Variants in RHOT1 observed in about 807,000 individuals in gnomAD.
RHOT1 encodes the protein mitochondrial Rho GTPase 1.
RHOT1 carries 27 observed loss-of-function variants against 95.3 expected under a neutral mutation model. The observed-to-expected ratio is 0.28, with a 90% CI of 0.21 to 0.39. The LOEUF (loss-of-function observed/expected upper bound fraction) is 0.39. Among genes scored for constraint, RHOT1 ranks in the 10% least tolerant of loss-of-function variants. The probability of loss-of-function intolerance (pLI) is 1.00; values close to 1 mark genes in which losing one functional copy is unlikely to be tolerated. For synonymous variants in RHOT1, 227 were observed against 263.5 expected (o/e 0.86, Z 1.34); for missense variants, 578 against 786.7 (o/e 0.73, Z 3.17).
rs2037140933 is a variant in RHOT1 at position 32,199,321 on chromosome 17, A to G, written c.955-84A>G. On this transcript the variant is annotated intron_variant, in intron 12 of 19. Transcript: ENST00000545287. ...CATTTATTAAGTAGTTTTAAAAAGCATAGCTTTACTAGATTGGGGGGCTTT... is the reference window on the plus strand; with the variant it reads ...CATTTATTAAGTAGTTTTAAAAAGCGTAGCTTTACTAGATTGGGGGGCTTT... The G allele has an allele frequency of 2.3e-6, 3 of 1,324,566 alleles. No homozygotes were observed. In the East Asian group the frequency reaches 7.1e-5, roughly 31 times the overall value. The allele number at this position is 1,324,566 out of a possible 1,614,324, so 82.1% of individuals were successfully genotyped here. A position where few individuals can be genotyped will look rare whatever the true frequency, so the allele number is the denominator to read the frequency against.
chr17:32,148,457 ATTCTC>A (rs2031720920), intron 1 of RHOT1, among the ~76,000 whole-genome samples: 1 of 152,150 alleles, frequency 6.6e-6, no homozygotes, highest in Non-Finnish European at 1.5e-5. Flanking sequence ...ACTGAAACCT[ATTCTC>A]TGCTGTCCTT....
chr17:32,151,279 C>T (rs1319467935), intron 1 of RHOT1: 5 of 676,126 alleles, frequency 7.4e-6, no homozygotes, highest in African/African-American at 1.8e-5. Flanking sequence ...GATGCCTTCT[C>T]CATATTGCTG....
At chr17:32,204,054 A>G (rs1018919497) in intron 16 of RHOT1, 81 bp downstream of exon 16, 40 of 904,400 alleles carry the variant, frequency 4.4e-5, no homozygotes, top group Non-Finnish European at 6.3e-5. Flanking sequence ...ATTGGCTTCA[A>G]TTGAATGACT....
At chr17:32,208,418 A>C (rs1464535732) in intron 18 of RHOT1, 109 bp downstream of exon 18, 1 of 1,108,066 alleles carries the variant, frequency 9.0e-7, no homozygotes, top group Non-Finnish European at 1.3e-6. Context: ...CAGCAACAGA[A>C]AGATACTTTG....
rs145204227 is a variant in RHOT1, at chr17:32,211,173, G to C, written c.1797G>C (p.Gln599His). Residue 599 changes from glutamine to histidine, a missense_variant, in exon 19 of 20, where the codon CAG becomes CAC. Around this residue, in one of 4 missense-constraint regions of RHOT1, gnomAD observed 296 missense variants for 338.5 expected, o/e 0.87. Coordinates refer to ENST00000545287, the MANE Select transcript of RHOT1 (RefSeq NM_001033566.3). ...TCNRCTFCIC[Q>H]NFLNSDLLQS... ...ACAGGTGTACATTTTGCATCTGTCA[G>C]AACTTCCTCAACTCAGACTTGCTGC... 17 of 1,612,650 alleles carry C rather than the reference G, an allele frequency of 1.1e-5. No individual in the cohort carries two copies. Among genetic ancestry groups the C allele is most frequent in the Non-Finnish European group, 1.4e-5 (17 of 1,179,062 alleles).
At chr17:32,161,423 G>A (rs2033543425) in intron 1 of RHOT1, among the ~76,000 whole-genome samples, 1 of 152,196 alleles carries the variant, frequency 6.6e-6, no homozygotes, top group African/African-American at 2.4e-5. Context: ...TATCACAGGA[G>A]TAACTGGGGA....
At chr17:32,168,590 CACAA>C (rs2034310136) in intron 1 of RHOT1, among the ~76,000 whole-genome samples, 1 of 149,832 alleles carries the variant, frequency 6.7e-6, no homozygotes, top group South Asian at 2.1e-4. Flanking sequence ...TATACACACA[CACAA>C]ACACATATAT....
intron 14 of RHOT1, among the ~76,000 whole-genome samples, chr17:32,201,799 A>G (rs9904712): frequency 0.013 from 1,989 of 152,290 alleles, 41 homozygotes; most frequent in African/African-American, 0.046. Context: ...TAACTATCCC[A>G]TAATTATATA....
intron 19 of RHOT1, chr17:32,222,762 A>T: frequency 1.4e-6 from 1 of 697,008 alleles, no homozygotes; most frequent in Non-Finnish European, 1.8e-6. Flanking sequence ...ATAAAAGGTT[A>T]AGAGCCCGGA....
At chr17:32,189,512 G>C (rs73979003) in intron 8 of RHOT1, among the ~76,000 whole-genome samples, 1 of 151,810 alleles carries the variant, frequency 6.6e-6, no homozygotes, top group East Asian at 1.9e-4. Context: ...CTTTGTTCTC[G>C]GGCCTGTTAT....
At chr17:32,203,376 G>T (rs1598432578) in intron 15 of RHOT1, among the ~76,000 whole-genome samples, 1 of 147,998 alleles carries the variant, frequency 6.8e-6, no homozygotes, top group Non-Finnish European at 1.5e-5. Flanking sequence ...CCTGGGCTTA[G>T]GTGATCCTCC....
chr17:32,185,800 G>A (rs1412863643), intron 8 of RHOT1, among the ~76,000 whole-genome samples: 8 of 147,126 alleles, frequency 5.4e-5, no homozygotes, highest in Admixed American at 6.8e-5. Flanking sequence ...AGCTCACTGC[G>A]GCCTCAAACT....
Position 32,170,921 on chromosome 17 carries a change from A to G in RHOT1, c.38-122A>G, listed in dbSNP as rs2034522570. 12 of 578,636 alleles carry G rather than the reference A, an allele frequency of 2.1e-5. No individual in the cohort carries two copies. In the East Asian group the frequency reaches 3.8e-4, roughly 18 times the overall value. The allele number at this position is 578,636 out of a possible 1,614,324, so 35.8% of individuals were successfully genotyped here. ...ATATACTTTTAAGTATTATACTAAA[A>G]CTTAATAATTTGGATGCCTTAGATT... On this transcript the variant is annotated intron_variant, in intron 1 of 19. Transcript: ENST00000545287.
chr17:32,206,707 C>G (rs1011975495), intron 16 of RHOT1, among the ~76,000 whole-genome samples: 4 of 151,924 alleles, frequency 2.6e-5, no homozygotes, highest in African/African-American at 4.8e-5. Flanking sequence ...CCCACCTCGG[C>G]CTCCCAAAGT....
rs369123393 is a variant in RHOT1, at chr17:32,151,492, C to T, written c.37+8763C>T. 13 of 607,608 alleles carry T rather than the reference C, an allele frequency of 2.1e-5. 1 individual carries two copies. Among genetic ancestry groups the T allele is most frequent in the African/African-American group, 1.1e-4 (6 of 53,128 alleles). The allele number at this position is 607,608 out of a possible 1,614,324, so 37.6% of individuals were successfully genotyped here. On this transcript the variant is annotated intron_variant, in intron 1 of 19. Coordinates refer to ENST00000545287, the MANE Select transcript of RHOT1 (RefSeq NM_001033566.3). ...AGTCTAGCTAGGGATTCTCTGGGGCCATTCTGTTCATCATGGTTTCTGAAA... is the reference window on the plus strand; with the variant it reads ...AGTCTAGCTAGGGATTCTCTGGGGCTATTCTGTTCATCATGGTTTCTGAAA...
intron 8 of RHOT1, among the ~76,000 whole-genome samples, chr17:32,187,818 C>T (rs1212264687): frequency 1.3e-5 from 2 of 152,210 alleles, no homozygotes; most frequent in African/African-American, 2.4e-5. Context: ...ATCTGCCTGC[C>T]TTGGCCTTTC....
chr17:32,149,589 TTC>T (rs1567648826), intron 1 of RHOT1, among the ~76,000 whole-genome samples: 5 of 54,444 alleles, frequency 9.2e-5, no homozygotes, highest in African/African-American at 2.4e-4. Context: ...AGCCCAGCAG[TTC>T]TATATATATA....
chr17:32,197,713 C>T (rs1053343397), intron 11 of RHOT1, among the ~76,000 whole-genome samples: 3 of 152,092 alleles, frequency 2.0e-5, no homozygotes, highest in Non-Finnish European at 4.4e-5. Context: ...CAGGCGTGAG[C>T]CACCGTGCCT....
At chr17:32,205,679 C>T (rs1187436272) in intron 16 of RHOT1, among the ~76,000 whole-genome samples, 1 of 152,194 alleles carries the variant, frequency 6.6e-6, no homozygotes, top group Non-Finnish European at 1.5e-5. Context: ...GTGGCTCATG[C>T]CTCTAATCCC....
Sources: allele counts gnomAD v4.1 joint callset (sites outside exome capture counted in the v4.1 genomes callset), GRCh38; gene constraint gnomAD v4.1.1; regional missense constraint gnomAD v4.1.1; transcripts MANE v1.5; gene names NCBI Gene and HGNC (gene_info 2026-07-23, HGNC 2026-07-21).